Variants in PDE11A observed in about 807,000 individuals in gnomAD.
PDE11A encodes dual 3',5'-cyclic-AMP and -GMP phosphodiesterase 11A.
PDE11A carries 100 observed loss-of-function variants against 100.5 expected under a neutral mutation model. The ratio of observed to expected loss-of-function variants is 1.00; its 90% CI spans 0.85 to 1.18. The LOEUF (loss-of-function observed/expected upper bound fraction) is 1.18. PDE11A is among the 50% of genes most tolerant of loss of function. The probability of loss-of-function intolerance (pLI) is 0.00; values close to 1 mark genes in which losing one functional copy is unlikely to be tolerated. For missense variants in PDE11A, 1,141 were observed against 1,152.6 expected (o/e 0.99, Z 0.15); for synonymous variants, 381 against 420.8 (o/e 0.91, Z 1.16).
chr2:178,016,497 T>C (rs180760074), intron 1 of PDE11A, among the ~76,000 whole-genome samples: 3 of 152,298 alleles, frequency 2.0e-5, no homozygotes, highest in African/African-American at 7.2e-5. Context: ...AACTACTACA[T>C]GTCAGGCTAT....
At chr2:177,640,569 C>T (rs754631319) in intron 19 of PDE11A, among the ~76,000 whole-genome samples, 18 of 152,144 alleles carry the variant, frequency 1.2e-4, no homozygotes, top group Non-Finnish European at 2.1e-4. Context: ...GGGAGCAGAG[C>T]CTAAGTTATA....
At chr2:177,994,289 A>T (rs1016729942) in intron 2 of PDE11A, among the ~76,000 whole-genome samples, 1 of 152,130 alleles carries the variant, frequency 6.6e-6, no homozygotes, top group South Asian at 2.1e-4. Flanking sequence ...CTTCTAAGAG[A>T]GTAAACATAA....
intron 9 of PDE11A, among the ~76,000 whole-genome samples, chr2:177,780,101 A>T (rs6726502): frequency 0.33 from 49,560 of 151,920 alleles, 8,405 homozygotes; most frequent in East Asian, 0.37. Context: ...AATTAGCAGT[A>T]ATATTTTGAA....
At chr2:178,051,335 T>C (rs1002114494) in intron 1 of PDE11A, among the ~76,000 whole-genome samples, 6 of 152,124 alleles carry the variant, frequency 3.9e-5, no homozygotes, top group East Asian at 1.9e-4. Flanking sequence ...CAGGCCTGCC[T>C]TACAAGAGCT....
chr2:177,935,133 A>C (rs1187468835), intron 2 of PDE11A, among the ~76,000 whole-genome samples: 2 of 152,150 alleles, frequency 1.3e-5, no homozygotes, highest in Non-Finnish European at 2.9e-5. Context: ...ATATTGATAA[A>C]ATTCCCACCA....
chr2:178,065,939 T>A (rs939715659), intron 1 of PDE11A, among the ~76,000 whole-genome samples: 2 of 151,740 alleles, frequency 1.3e-5, no homozygotes, highest in Non-Finnish European at 2.9e-5. Context: ...TACTAAATAT[T>A]GTTATTCATA....
At chr2:177,876,738 T>C (rs1053259807) in intron 4 of PDE11A, among the ~76,000 whole-genome samples, 10 of 148,230 alleles carry the variant, frequency 6.7e-5, no homozygotes, top group African/African-American at 2.3e-4. Flanking sequence ...GCAACTGGCA[T>C]GAAAGGAATT....
Position 177,701,120 on chromosome 2 carries a change from C to T in PDE11A, c.2244+1G>A, listed in dbSNP as rs539602549. 6.0e-5 allele frequency: 93 copies of T among 1,537,502 alleles called. No individual in the cohort carries two copies. Among genetic ancestry groups the T allele is most frequent in the Non-Finnish European group, 7.9e-5 (88 of 1,110,152 alleles). On this transcript the variant is annotated splice_donor_variant, in intron 14 of 19. Coordinates refer to ENST00000286063, the MANE Select transcript of PDE11A (RefSeq NM_016953.4). LOFTEE classifies it high-confidence loss of function. ...GGAGAAGCAGAACATCAGGCCTGTA[C>T]CTCACTTTGAAGGATCATCACGGCG...
chr2:177,987,386 T>C (rs1461721557), intron 2 of PDE11A, among the ~76,000 whole-genome samples: 1 of 152,248 alleles, frequency 6.6e-6, no homozygotes, highest in Non-Finnish European at 1.5e-5. Flanking sequence ...AACTATTAAT[T>C]GATACCTTAC....
intron 12 of PDE11A, among the ~76,000 whole-genome samples, chr2:177,725,755 A>G (rs997614576): frequency 2.0e-5 from 3 of 152,132 alleles, no homozygotes; most frequent in African/African-American, 7.2e-5. Context: ...AGAAAACTGG[A>G]TATATATTTC....
chr2:177,827,081 C>A (rs1026651163), intron 6 of PDE11A, among the ~76,000 whole-genome samples: 1 of 152,200 alleles, frequency 6.6e-6, no homozygotes. Flanking sequence ...TGCTCCACCA[C>A]AAAGATCTGG....
At chr2:177,825,321 CACTGTGTTTGA>C (rs1348826088) in intron 6 of PDE11A, among the ~76,000 whole-genome samples, 1 of 152,038 alleles carries the variant, frequency 6.6e-6, no homozygotes, top group Non-Finnish European at 1.5e-5. Flanking sequence ...AAAGTGTTTC[CACTGTGTTTGA>C]GGGAAGGAGG....
intron 5 of PDE11A, among the ~76,000 whole-genome samples, chr2:177,856,058 G>C (rs1190007501): frequency 6.6e-6 from 1 of 151,946 alleles, no homozygotes; most frequent in Non-Finnish European, 1.5e-5. Flanking sequence ...CCTGTCAGAG[G>C]ATTGAAGGCA....
chr2:178,072,525 C>A lies in PDE11A; in HGVS notation c.-88G>T. The A allele has an allele frequency of 6.3e-7, 1 of 1,577,564 alleles. No individual in the cohort carries two copies. The highest frequency in any genetic ancestry group is 2.3e-5 in the East Asian group (1 of 43,278). On this transcript the variant is annotated 5_prime_UTR_variant, in exon 1 of 20. Transcript: ENST00000286063. ...TCTAGCTGTTCCTGCACATGTTCAC[C>A]CCCACCAGTATTCCCAGTTCAGCGC...
chr2:177,634,413 G>T (rs965693857), intron 19 of PDE11A, among the ~76,000 whole-genome samples: 9 of 144,270 alleles, frequency 6.2e-5, no homozygotes, highest in Non-Finnish European at 1.0e-4. Flanking sequence ...TTGTGAGAAG[G>T]AGTCTCGCTC....
chr2:177,702,522 A>C (rs2081214236), intron 13 of PDE11A: 1 of 152,312 alleles, frequency 6.6e-6, no homozygotes, highest in Admixed American at 6.5e-5. Flanking sequence ...TTTGGCCTTA[A>C]CTTGGAAATG....
chr2:177,842,218 A>G (rs1433846007), intron 5 of PDE11A, among the ~76,000 whole-genome samples: 1 of 152,172 alleles, frequency 6.6e-6, no homozygotes, highest in African/African-American at 2.4e-5. Context: ...TGTGGGAAGC[A>G]GCGCTGCAGC....
chr2:177,749,777 G>A (rs1457676869), intron 10 of PDE11A, among the ~76,000 whole-genome samples: 1 of 151,962 alleles, frequency 6.6e-6, no homozygotes, highest in African/African-American at 2.4e-5. Context: ...AAGGCCCTTG[G>A]CATGGAGTAT....
chr2:178,084,014 C>T (rs773368557), intron 2 of PDE11A, among the ~76,000 whole-genome samples: 2 of 152,074 alleles, frequency 1.3e-5, no homozygotes, highest in Non-Finnish European at 2.9e-5. Flanking sequence ...TTCATATATA[C>T]ACAAATATAC....
Sources: gnomAD v4.1 joint callset for allele counts (sites outside exome capture counted in the v4.1 genomes callset) on GRCh38, gnomAD v4.1.1 for gene constraint, MANE v1.5 for transcripts, NCBI Gene and HGNC (gene_info 2026-07-23, HGNC 2026-07-21) for gene names.